The following KDM6A variants were observed in gnomAD, a reference collection of about 807,000 sequenced individuals.
KDM6A encodes the protein lysine demethylase 6A, also known as lysine-specific demethylase 6A.
A neutral mutation model predicts 117.6 loss-of-function variants in KDM6A; 11 were observed. That is an observed-to-expected ratio of 0.09 (90% CI 0.06 to 0.15). The LOEUF (loss-of-function observed/expected upper bound fraction) is 0.15. Among genes scored for constraint, KDM6A ranks in the 10% least tolerant of loss-of-function variants. The pLI, the probability that KDM6A is intolerant of heterozygous loss-of-function variation, is 1.00. For missense variants in KDM6A, 799 were observed against 1,077.3 expected, an observed-to-expected ratio of 0.74 and a Z score of 3.62; for synonymous variants, 384 against 396.1, an observed-to-expected ratio of 0.97 and a Z score of 0.36.
chrX:45,025,701 C>T (rs1329227625), intron 6 of KDM6A, among the ~76,000 whole-genome samples: 3 of 111,982 alleles, frequency 2.7e-5, no homozygotes, highest in African/African-American at 9.7e-5. Context: ...GCCTGTGCAT[C>T]TATTTAGAGG....
intron 2 of KDM6A, 149 bp downstream of exon 2, chrX:44,874,136 C>G: frequency 1.9e-6 from 1 of 526,999 alleles, no homozygotes; most frequent in East Asian, 3.6e-5. Context: ...TGCTCTCCCC[C>G]CACCCCCGGG....
intron 2 of KDM6A, among the ~76,000 whole-genome samples, chrX:44,930,558 T>A (rs990529845): frequency 1.2e-4 from 13 of 111,949 alleles, no homozygotes; most frequent in African/African-American, 4.2e-4. Flanking sequence ...ATTCAAGATA[T>A]ACTCTTATTA....
intron 6 of KDM6A, among the ~76,000 whole-genome samples, chrX:45,033,931 G>A (rs1190018751): frequency 1.8e-5 from 2 of 110,763 alleles, no homozygotes; most frequent in Non-Finnish European, 3.8e-5. Context: ...CCTTCTTTGT[G>A]ACTTTTGGGT....
At chrX:44,910,770 A>C (rs2146779433) in intron 2 of KDM6A, among the ~76,000 whole-genome samples, 1 of 110,774 alleles carries the variant, frequency 9.0e-6, no homozygotes, top group East Asian at 2.9e-4. Flanking sequence ...AATCCATTTA[A>C]CCCTGAGTGG....
At position 45,015,003 on chromosome X, in the gene KDM6A, G is replaced by C. The variant is rs202229905; in HGVS notation, c.443+3984G>C. 7.1e-5 allele frequency among the ~76,000 whole-genome samples: 8 copies of C among 112,147 alleles called. No individual in the cohort carries two copies. In the East Asian group the frequency reaches 2.2e-3, roughly 31 times the overall value. On this transcript the variant is annotated intron_variant, in intron 5 of 29. Coordinates refer to ENST00000611820, the MANE Select transcript of KDM6A (RefSeq NM_001291415.2). ...ATTACTTTGACATAAAAAAGGATTA[G>C]GAGAATGAGGTAGAAATGAATTCAG...
chrX:44,897,634 T>C (rs2034002782), intron 2 of KDM6A, among the ~76,000 whole-genome samples: 2 of 111,724 alleles, frequency 1.8e-5, no homozygotes, highest in Admixed American at 1.9e-4. Context: ...AGTGATGTGA[T>C]CATAGCTTGC....
At chrX:45,065,124 A>G (rs2044472250) in intron 17 of KDM6A, among the ~76,000 whole-genome samples, 1 of 112,135 alleles carries the variant, frequency 8.9e-6, no homozygotes, top group Non-Finnish European at 1.9e-5. Context: ...AGGGCAGGGA[A>G]GGCTTCTCTG....
intron 4 of KDM6A, among the ~76,000 whole-genome samples, chrX:44,988,357 T>G (rs1411384695): frequency 9.0e-6 from 1 of 110,658 alleles, no homozygotes; most frequent in African/African-American, 3.3e-5. Flanking sequence ...GGGTTCGAAC[T>G]TCCTCCTTTA....
chrX:44,998,560 C>T (rs1470526467), intron 4 of KDM6A, among the ~76,000 whole-genome samples: 1 of 110,801 alleles, frequency 9.0e-6, no homozygotes, highest in Non-Finnish European at 1.9e-5. Flanking sequence ...TTTTTATTCC[C>T]CAGTAGGTTT....
chrX:45,011,277 C>T (rs1377337170), intron 5 of KDM6A, among the ~76,000 whole-genome samples: 3 of 111,357 alleles, frequency 2.7e-5, no homozygotes, highest in Non-Finnish European at 5.6e-5. Flanking sequence ...GATTAGAAAG[C>T]TTTTTGGAAT....
At position 45,069,634 on chromosome X, in the gene KDM6A, T is replaced by C. The variant is rs2148035497; in HGVS notation, c.2135T>C (p.Leu712Pro). 4.1e-6 allele frequency: 5 copies of C among 1,210,902 alleles called. No homozygotes were observed. The highest frequency in any genetic ancestry group is 4.5e-6 in the Non-Finnish European group (4 of 894,893). The change falls in exon 18 of 30, where the codon CTC becomes CCC. Residue 712 changes from leucine (L) to proline (P), a missense_variant. Transcript: ENST00000611820. ...GCAGGTCCTAATGGTGAACGACCTC[T>C]CTCTTCCACTGGGCCTTCCCAGCAT... The part of the protein sequence containing the change: ...HSAGPNGERP[L>P]SSTGPSQHLQ...
intron 27 of KDM6A, among the ~76,000 whole-genome samples, chrX:45,099,303 T>C (rs2148246939): frequency 9.0e-6 from 1 of 110,661 alleles, no homozygotes; most frequent in South Asian, 3.8e-4. Context: ...GTCTTTTTTT[T>C]TTTTTAAGCA....
Position 44,940,933 on chromosome X carries a change from G to A in KDM6A, c.226-20351G>A, listed in dbSNP as rs1367748424. ...GCCTGTAATCCCAGCTACTCGGGAG[G>A]CCGAGGGAGGAGAATCGCTTGAATC... On this transcript the variant is annotated intron_variant, in intron 2 of 29. Coordinates refer to ENST00000611820, the MANE Select transcript of KDM6A (RefSeq NM_001291415.2). Among the ~76,000 whole-genome samples, 5 of 111,328 alleles carry A rather than the reference G, an allele frequency of 4.5e-5. No individual in the cohort carries two copies. The East Asian group carries it at 1.4e-3, about 31-fold the overall frequency.
At chrX:44,928,991 C>T (rs1485236105) in intron 2 of KDM6A, among the ~76,000 whole-genome samples, 2 of 110,909 alleles carry the variant, frequency 1.8e-5, no homozygotes, top group African/African-American at 3.3e-5. Context: ...AGTGCAGTGG[C>T]GCGAACTTGG....
chrX:44,980,703 T>C (rs775995043), intron 4 of KDM6A, among the ~76,000 whole-genome samples: 120 of 104,703 alleles, frequency 1.1e-3, no homozygotes, highest in Non-Finnish European at 2.0e-3. Context: ...GTCATGTTAC[T>C]CTAGATAGGA....
intron 24 of KDM6A, among the ~76,000 whole-genome samples, chrX:45,085,404 G>T (rs1187905239): frequency 8.9e-6 from 1 of 111,734 alleles, no homozygotes; most frequent in Non-Finnish European, 1.9e-5. Flanking sequence ...GGTTTATCAG[G>T]ATGTAGTCCC....
At chrX:45,047,798 C>T (rs1291468093) in intron 8 of KDM6A, among the ~76,000 whole-genome samples, 2 of 102,478 alleles carry the variant, frequency 2.0e-5, no homozygotes, top group African/African-American at 3.5e-5. Flanking sequence ...ATTCTCGTGC[C>T]TCAGCCTTCC....
intron 3 of KDM6A, among the ~76,000 whole-genome samples, chrX:44,968,822 T>C (rs1245662196): frequency 1.8e-5 from 2 of 109,941 alleles, no homozygotes; most frequent in Non-Finnish European, 3.8e-5. Flanking sequence ...AATAAAAAAT[T>C]AGCAGGGCGT....
At chrX:44,977,507 TCCCA>T (rs1262074073) in intron 4 of KDM6A, among the ~76,000 whole-genome samples, 1 of 111,570 alleles carries the variant, frequency 9.0e-6, no homozygotes, top group African/African-American at 3.3e-5. Flanking sequence ...CAAGTAATTC[TCCCA>T]CCTCGGCCTC....
Sources: gnomAD v4.1 joint callset for allele counts (sites outside exome capture counted in the v4.1 genomes callset) on GRCh38, gnomAD v4.1.1 for gene constraint, MANE v1.5 for transcripts, NCBI Gene and HGNC (gene_info 2026-07-23, HGNC 2026-07-21) for gene names.